The following LDLRAD3 variants were observed in gnomAD, a reference collection of about 807,000 sequenced individuals.
LDLRAD3 encodes the protein low density lipoprotein receptor class A domain containing 3, also known as low-density lipoprotein receptor class A domain-containing protein 3.
LDLRAD3 carries 20 observed loss-of-function variants against 29.4 expected under a neutral mutation model. The ratio of observed to expected loss-of-function variants is 0.68; its 90% CI spans 0.48 to 0.99. The LOEUF is 0.99. Among genes scored for constraint, LDLRAD3 ranks in the 50% least tolerant of loss-of-function variants. The pLI is 0.00. For missense variants in LDLRAD3, 420 were observed against 454.3 expected (o/e 0.92, Z 0.69); for synonymous variants, 157 against 192.7 (o/e 0.81, Z 1.53).
chr11:36,053,595 T>G (rs1048345507), intron 2 of LDLRAD3, among the ~76,000 whole-genome samples: 7 of 152,200 alleles, frequency 4.6e-5, no homozygotes, highest in Non-Finnish European at 7.3e-5. Context: ...GACATCAGCC[T>G]TGGCTGCCAC....
intron 1 of LDLRAD3, among the ~76,000 whole-genome samples, chr11:36,009,404 CCTGGATTTACAAAAGG>C (rs1201611783): frequency 6.6e-6 from 1 of 152,130 alleles, no homozygotes; most frequent in African/African-American, 2.4e-5. Context: ...ATCCTGGTCA[CCTGGATTTACAAAAGG>C]CTAAGAATAG....
chr11:36,019,661 G>A (rs1021991047), intron 1 of LDLRAD3, among the ~76,000 whole-genome samples: 2 of 152,140 alleles, frequency 1.3e-5, no homozygotes, highest in Non-Finnish European at 2.9e-5. Context: ...TAAAGGGCTT[G>A]TGCCTTTGCC....
At chr11:36,017,752 C>T (rs528276883) in intron 1 of LDLRAD3, among the ~76,000 whole-genome samples, 8 of 152,084 alleles carry the variant, frequency 5.3e-5, no homozygotes, top group Middle Eastern at 3.4e-3. Context: ...CTCCAACTCC[C>T]GACCTCAAGT....
intron 2 of LDLRAD3, among the ~76,000 whole-genome samples, chr11:36,075,283 C>T (rs1852978132): frequency 6.6e-6 from 1 of 152,236 alleles, no homozygotes; most frequent in African/African-American, 2.4e-5. Context: ...AGCCTGGTTT[C>T]CTGTGACTTC....
chr11:36,174,276 G>C (rs1346570741), intron 4 of LDLRAD3, among the ~76,000 whole-genome samples: 1 of 152,170 alleles, frequency 6.6e-6, no homozygotes, highest in Non-Finnish European at 1.5e-5. Context: ...AGAAAACCTA[G>C]ACAATGCCAT....
At chr11:35,948,461 T>C (rs1397375971) in intron 1 of LDLRAD3, among the ~76,000 whole-genome samples, 1 of 152,034 alleles carries the variant, frequency 6.6e-6, no homozygotes, top group Non-Finnish European at 1.5e-5. Context: ...TGTGTGTGTG[T>C]GTGTGTGTGC....
At chr11:36,094,531 CCTTTT>C (rs886849207) in intron 3 of LDLRAD3, among the ~76,000 whole-genome samples, 15 of 152,070 alleles carry the variant, frequency 9.9e-5, no homozygotes, top group African/African-American at 2.9e-4. Context: ...AACATTTGAG[CCTTTT>C]CTTTTCTTTT....
chr11:36,038,022 T>C (rs1192035419), intron 2 of LDLRAD3, among the ~76,000 whole-genome samples: 3 of 152,228 alleles, frequency 2.0e-5, no homozygotes, highest in East Asian at 1.9e-4. Flanking sequence ...TTGATCCCCC[T>C]AGTAGCTGGG....
At chr11:35,952,419 G>C (rs551595716) in intron 1 of LDLRAD3, among the ~76,000 whole-genome samples, 1 of 152,306 alleles carries the variant, frequency 6.6e-6, no homozygotes, top group African/African-American at 2.4e-5. Flanking sequence ...GGAGTGGGGG[G>C]CATCTCAAGT....
At chr11:35,957,208 G>A (rs1475027121) in intron 1 of LDLRAD3, among the ~76,000 whole-genome samples, 2 of 152,150 alleles carry the variant, frequency 1.3e-5, no homozygotes, top group African/African-American at 2.4e-5. Flanking sequence ...AGATAGTTTT[G>A]ATCATACGTG....
At chr11:35,976,687 A>G (rs1039358211) in intron 1 of LDLRAD3, among the ~76,000 whole-genome samples, 1 of 152,146 alleles carries the variant, frequency 6.6e-6, no homozygotes, top group Admixed American at 6.5e-5. Context: ...TGAATAACAC[A>G]AAGTCTCTTC....
At chr11:36,225,079 G>A (rs1855481179) in intron 4 of LDLRAD3, among the ~76,000 whole-genome samples, 1 of 152,188 alleles carries the variant, frequency 6.6e-6, no homozygotes, top group African/African-American at 2.4e-5. Context: ...GAACAAAACA[G>A]ACGCACACCT....
intron 4 of LDLRAD3, among the ~76,000 whole-genome samples, chr11:36,121,896 G>A (rs1413883016): frequency 6.6e-6 from 1 of 152,218 alleles, no homozygotes; most frequent in Non-Finnish European, 1.5e-5. Flanking sequence ...TGCAATGGCT[G>A]GTGTTACTGA....
chr11:36,019,867 T>C (rs1269777127), intron 1 of LDLRAD3, among the ~76,000 whole-genome samples: 1 of 152,160 alleles, frequency 6.6e-6, no homozygotes, highest in African/African-American at 2.4e-5. Flanking sequence ...TGCCACCCAG[T>C]GCAGAGCAGA....
intron 1 of LDLRAD3, among the ~76,000 whole-genome samples, chr11:35,984,877 G>A (rs905930414): frequency 2.8e-4 from 42 of 151,250 alleles, no homozygotes; most frequent in Admixed American, 1.1e-3. Flanking sequence ...TGATCTGCCC[G>A]CCTTGGCCTC....
At chr11:36,128,034 C>T (rs1463258846) in intron 4 of LDLRAD3, among the ~76,000 whole-genome samples, 3 of 150,634 alleles carry the variant, frequency 2.0e-5, no homozygotes, top group African/African-American at 7.3e-5. Context: ...GCAGGAGCTA[C>T]CCCACACTCA....
chr11:36,199,585 A>ACACACACGCACGCACG (rs771281624), intron 4 of LDLRAD3, among the ~76,000 whole-genome samples: 97 of 150,470 alleles, frequency 6.4e-4, no homozygotes, highest in African/African-American at 2.3e-3. Flanking sequence ...ACACACACAC[A>ACACACACGCACGCACG]CACGCACGCA....
intron 4 of LDLRAD3, among the ~76,000 whole-genome samples, chr11:36,133,343 ATTTTCTTTTCCTTTCTTTTCTTTTC>A (rs144143372): frequency 0.26 from 35,380 of 136,656 alleles, 5,047 homozygotes; most frequent in East Asian, 0.39. Flanking sequence ...GCCTGAGTCC[ATTTTCTTTTCCTTTCTTTTCTTTTC>A]TTTTCTTTTC....
At chr11:36,162,341 A>G (rs188731782) in intron 4 of LDLRAD3, among the ~76,000 whole-genome samples, 2 of 152,344 alleles carry the variant, frequency 1.3e-5, no homozygotes, top group African/African-American at 4.8e-5. Context: ...AGCATGTCCG[A>G]TCTTCCTTGA....
Sources: allele counts gnomAD v4.1 joint callset (sites outside exome capture counted in the v4.1 genomes callset), GRCh38; gene constraint gnomAD v4.1.1; transcripts MANE v1.5; gene names NCBI Gene and HGNC (gene_info 2026-07-23, HGNC 2026-07-21).